Variants in DNAJC8 observed in about 807,000 individuals in gnomAD.
DNAJC8 encodes the protein dnaJ homolog subfamily C member 8.
A neutral mutation model predicts 43.2 loss-of-function variants in DNAJC8; 24 were observed. That is an observed-to-expected ratio of 0.56 (90% CI 0.40 to 0.78). DNAJC8 has a LOEUF of 0.78. Among genes scored for constraint, DNAJC8 ranks in the 30% least tolerant of loss-of-function variants. The probability of loss-of-function intolerance (pLI) is 0.00; values close to 1 mark genes in which losing one functional copy is unlikely to be tolerated. For missense variants in DNAJC8, 207 were observed against 299.4 expected (o/e 0.69, Z 2.28); for synonymous variants, 83 against 98.0 (o/e 0.85, Z 0.90).
At chr1:28,223,792 C>A (rs1646915275) in intron 2 of DNAJC8, among the ~76,000 whole-genome samples, 1 of 151,514 alleles carries the variant, frequency 6.6e-6, no homozygotes, top group Admixed American at 6.6e-5. Flanking sequence ...AGAATAAATC[C>A]TGTGGGGTTG....
At chr1:28,204,897 C>T (rs534537672) in intron 7 of DNAJC8, among the ~76,000 whole-genome samples, 15 of 152,180 alleles carry the variant, frequency 9.9e-5, no homozygotes, top group Admixed American at 9.2e-4. Context: ...GTGGTGTACA[C>T]CTGTAGTCCC....
At chr1:28,218,153 T>C (rs1027075634) in intron 2 of DNAJC8, among the ~76,000 whole-genome samples, 8 of 148,642 alleles carry the variant, frequency 5.4e-5, no homozygotes, top group Non-Finnish European at 8.9e-5. Context: ...TAGAGTGCAA[T>C]GGTGTGATCT....
intron 3 of DNAJC8, among the ~76,000 whole-genome samples, chr1:28,213,397 A>G (rs895603211): frequency 6.6e-6 from 1 of 152,086 alleles, no homozygotes; most frequent in African/African-American, 2.4e-5. Flanking sequence ...GAGCTTAGGA[A>G]GGAAAAAAAA....
intron 2 of DNAJC8, among the ~76,000 whole-genome samples, chr1:28,217,427 C>T (rs1195615736): frequency 6.6e-6 from 1 of 152,004 alleles, no homozygotes; most frequent in Non-Finnish European, 1.5e-5. Context: ...TTGAGACAGG[C>T]CTGGCCAACA....
At chr1:28,222,243 T>C (rs1406660181) in intron 2 of DNAJC8, among the ~76,000 whole-genome samples, 2 of 152,102 alleles carry the variant, frequency 1.3e-5, no homozygotes, top group Non-Finnish European at 2.9e-5. Flanking sequence ...CCCAGCACTT[T>C]GGGAGGCTGA....
chr1:28,208,154 C>T (rs984701851), intron 6 of DNAJC8, among the ~76,000 whole-genome samples, 188 bp downstream of exon 6: 3 of 152,062 alleles, frequency 2.0e-5, no homozygotes, highest in Non-Finnish European at 2.9e-5. Flanking sequence ...TGCAGTGAGC[C>T]GAGATCGCGC....
chr1:28,222,427 A>G (rs1217405122), intron 2 of DNAJC8, among the ~76,000 whole-genome samples: 1 of 148,956 alleles, frequency 6.7e-6, no homozygotes, highest in East Asian at 2.0e-4. Flanking sequence ...CGGAGGTTGC[A>G]GTAAGCCGAG....
intron 1 of DNAJC8, 96 bp downstream of exon 1, chr1:28,232,825 C>T (rs1433754169): frequency 7.3e-7 from 1 of 1,364,766 alleles, no homozygotes; most frequent in African/African-American, 1.4e-5. Flanking sequence ...AGGAATCGCC[C>T]AACGGTCCAG....
At chr1:28,205,194 C>T (rs750039597) in intron 7 of DNAJC8, 64 bp downstream of exon 7, 1 of 1,278,426 alleles carries the variant, frequency 7.8e-7, no homozygotes, top group Non-Finnish European at 1.1e-6. Context: ...GGAAAATCAC[C>T]AAAGACCAAT....
intron 5 of DNAJC8, chr1:28,208,867 A>G (rs184623061): frequency 6.5e-6 from 1 of 152,794 alleles, no homozygotes; most frequent in East Asian, 1.9e-4. Flanking sequence ...CACTTTCACC[A>G]TGGAACCTCC....
chr1:28,229,111 A>G (rs1178000825), intron 1 of DNAJC8, 88 bp from the exon 2 acceptor site: 1 of 1,111,456 alleles, frequency 9.0e-7, no homozygotes, highest in Non-Finnish European at 1.3e-6. Flanking sequence ...TATGTTCAAC[A>G]AACATTTATT....
chr1:28,215,205 CAAAT>C (rs765086100), intron 2 of DNAJC8, among the ~76,000 whole-genome samples: 1 of 152,026 alleles, frequency 6.6e-6, no homozygotes, highest in Non-Finnish European at 1.5e-5. Flanking sequence ...TTATGGTACT[CAAAT>C]AACATAATGC....
At chr1:28,212,210 T>TATA (rs1553167923) in intron 3 of DNAJC8, among the ~76,000 whole-genome samples, 9 of 109,494 alleles carry the variant, frequency 8.2e-5, no homozygotes, top group Non-Finnish European at 1.3e-4. Flanking sequence ...TATATATATA[T>TATA]ATATAAATGA....
intron 1 of DNAJC8, chr1:28,230,320 C>T (rs1435677548): frequency 2.0e-5 from 3 of 152,194 alleles, no homozygotes; most frequent in African/African-American, 7.2e-5. Context: ...GACATCTTCC[C>T]TCTTCACTCT....
At chr1:28,210,188 C>T (rs1344703449) in intron 4 of DNAJC8, 122 bp from the exon 5 acceptor site, 27 of 813,676 alleles carry the variant, frequency 3.3e-5, no homozygotes, top group South Asian at 3.1e-4. Flanking sequence ...TATTTACTGT[C>T]GTTAAACTAA....
In DNAJC8 at chr1:28,212,564, G is replaced by A. The variant is rs184578181; in HGVS notation, c.238-1927C>T. Among the ~76,000 whole-genome samples the A allele has an allele frequency of 9.3e-4, 142 of 151,912 alleles. 1 individual carries two copies. The Middle Eastern group carries it at 0.014, about 15-fold the overall frequency. The stretch of plus-strand genomic sequence containing the variant: ...CCCAAAATACTAGGATTACAGGCAT[G>A]AGCCACTATGCTTGTCCATTCTTTT... On this transcript the variant is annotated intron_variant, in intron 3 of 8. Coordinates refer to ENST00000263697, the MANE Select transcript of DNAJC8 (RefSeq NM_014280.3).
At chr1:28,204,004 G>C (rs1054799816) in intron 7 of DNAJC8, among the ~76,000 whole-genome samples, 182 bp from the exon 8 acceptor site, 1 of 152,186 alleles carries the variant, frequency 6.6e-6, no homozygotes, top group Non-Finnish European at 1.5e-5. Context: ...AAAACACGCA[G>C]ATCAGACTTG....
At chr1:28,217,743 C>T (rs1646868957) in intron 2 of DNAJC8, among the ~76,000 whole-genome samples, 1 of 151,734 alleles carries the variant, frequency 6.6e-6, no homozygotes. Context: ...ATTGTCCCAC[C>T]CTCACAAAAA....
intron 6 of DNAJC8, 44 bp from the exon 7 acceptor site, chr1:28,205,393 T>G: frequency 6.8e-7 from 1 of 1,479,882 alleles, no homozygotes; most frequent in Non-Finnish European, 9.4e-7. Flanking sequence ...GTAAATATTT[T>G]TACCAGCAAC....
Sources: allele counts gnomAD v4.1 joint callset (sites outside exome capture counted in the v4.1 genomes callset), GRCh38; gene constraint gnomAD v4.1.1; transcripts MANE v1.5; gene names NCBI Gene and HGNC (gene_info 2026-07-23, HGNC 2026-07-21).